Variants in SHANK2 observed in about 807,000 individuals in gnomAD.
SHANK2 encodes SH3 and multiple ankyrin repeat domains protein 2.
A neutral mutation model predicts 133.7 loss-of-function variants in SHANK2; 43 were observed. That is an observed-to-expected ratio of 0.32 (90% CI 0.25 to 0.41). SHANK2 has a LOEUF of 0.41. Ranked by LOEUF, SHANK2 falls within the 10% of genes least tolerant of loss-of-function variation. SHANK2 has a pLI of 1.00. For synonymous variants in SHANK2, 1,017 were observed against 952.8 expected, an observed-to-expected ratio of 1.07 and a Z score of -1.24; for missense variants, 1,994 against 2,235.8, an observed-to-expected ratio of 0.89 and a Z score of 2.18.
chr11:70,585,267 A>G (rs75507914), intron 17 of SHANK2, among the ~76,000 whole-genome samples: 4,810 of 152,352 alleles, frequency 0.032, 123 homozygotes, highest in East Asian at 0.096. Flanking sequence ...GGCACTGCCA[A>G]TGGGGCAGGG....
chr11:70,779,332 G>C (rs1947433750), intron 14 of SHANK2, among the ~76,000 whole-genome samples: 1 of 151,804 alleles, frequency 6.6e-6, no homozygotes, highest in African/African-American at 2.4e-5. Context: ...TAGCAGACAG[G>C]ACAATGCGTC....
chr11:71,084,006 G>C (rs1220939317), intron 8 of SHANK2, among the ~76,000 whole-genome samples: 1 of 148,216 alleles, frequency 6.7e-6, no homozygotes, highest in Non-Finnish European at 1.5e-5. Flanking sequence ...GTCTTGCTCT[G>C]TCTCCCAGGC....
chr11:71,088,600 G>C (rs910380653), intron 8 of SHANK2, among the ~76,000 whole-genome samples: 4 of 152,158 alleles, frequency 2.6e-5, no homozygotes, highest in Admixed American at 1.3e-4. Context: ...TGTGAGACTC[G>C]AGAAAGATGT....
intron 2 of SHANK2, among the ~76,000 whole-genome samples, chr11:71,179,780 A>T (rs1555113530): frequency 6.6e-6 from 1 of 152,206 alleles, no homozygotes; most frequent in Non-Finnish European, 1.5e-5. Flanking sequence ...ATTTCTATAT[A>T]ATTGCAATGA....
At chr11:71,126,220 A>AAAAAAAAC (rs1952183501) in intron 3 of SHANK2, among the ~76,000 whole-genome samples, 1 of 143,182 alleles carries the variant, frequency 7.0e-6, no homozygotes, top group African/African-American at 2.8e-5. Context: ...CCGTCTCAAA[A>AAAAAAAAC]AAAAAAAAAA....
At chr11:70,675,996 G>T in intron 15 of SHANK2, among the ~76,000 whole-genome samples, 1 of 152,184 alleles carries the variant, frequency 6.6e-6, no homozygotes, top group South Asian at 2.1e-4. Context: ...GGTGTGTGCT[G>T]GTCTGTGGTT....
intron 10 of SHANK2, among the ~76,000 whole-genome samples, chr11:70,914,626 T>C (rs1350132448): frequency 7.1e-6 from 1 of 140,064 alleles, no homozygotes; most frequent in Non-Finnish European, 1.5e-5. Flanking sequence ...AAGACCGGCC[T>C]GGGCAAGGTC....
rs782296374 is a variant in SHANK2 at position 70,502,899 on chromosome 11, G to A, written c.2094C>T (p.His698=). 6.2e-7 allele frequency: 1 copy of A among 1,614,174 alleles called. No homozygotes were observed. Among genetic ancestry groups the A allele is most frequent in the African/African-American group, 1.3e-5 (1 of 75,042 alleles). ...GCCGGATCATGTTCACCACCTGCCT[G>A]TGGCCGACTTTGACAACATTCTCAT... ...VNNENVVKVG[H]RQVVNMIRQG... The change falls in exon 18 of 26, where the codon CAC becomes CAT. Residue 698 remains histidine, a synonymous_variant. Coordinates refer to ENST00000601538, the MANE Select transcript of SHANK2 (RefSeq NM_012309.5).
At position 70,732,845 on chromosome 11, in the gene SHANK2, T is replaced by C. The variant is rs888372510; in HGVS notation, c.1778-34082A>G. On this transcript the variant is annotated intron_variant, in intron 14 of 25. Coordinates refer to ENST00000601538, the MANE Select transcript of SHANK2 (RefSeq NM_012309.5). The stretch of plus-strand genomic sequence containing the variant: ...ACATCCCCAGCAGCTGCCATTTCCC[T>C]GCAGGGGACAGGCCTGCCGGCTCTG... Among the ~76,000 whole-genome samples, 4 of 152,240 alleles carry C rather than the reference T, an allele frequency of 2.6e-5. No individual in the cohort carries two copies. In the East Asian group the frequency reaches 7.7e-4, roughly 29 times the overall value.
In SHANK2 at chr11:71,137,386, G is replaced by T. The variant is rs576021499; in HGVS notation, c.207+9734C>A. On this transcript the variant is annotated intron_variant, in intron 3 of 25. Transcript: ENST00000601538. Reference sequence around the variant, plus strand: ...CCTGGAGGTTCCTAGAGAAAGTTACGGTCATAGCATTGGTTTTGCACAACT... The same window carrying T: ...CCTGGAGGTTCCTAGAGAAAGTTACTGTCATAGCATTGGTTTTGCACAACT... 3.8e-3 allele frequency among the ~76,000 whole-genome samples: 569 copies of T among 151,464 alleles called. 7 individuals carry two copies. The highest frequency in any genetic ancestry group is 0.013 in the African/African-American group (538 of 41,166).
intron 1 of SHANK2, among the ~76,000 whole-genome samples, chr11:71,250,300 CAGGAAAACA>C (rs1357094905): frequency 4.6e-5 from 7 of 152,186 alleles, no homozygotes; most frequent in African/African-American, 9.7e-5. Context: ...TTCTTCCTTC[CAGGAAAACA>C]AGGAATTCCT....
At chr11:70,703,616 G>T (rs1555024289) in intron 14 of SHANK2, among the ~76,000 whole-genome samples, 1 of 152,092 alleles carries the variant, frequency 6.6e-6, no homozygotes. Context: ...TGAAAACGTG[G>T]GTCACAAATA....
chr11:70,599,115 T>C (rs2136308120), intron 17 of SHANK2, among the ~76,000 whole-genome samples: 1 of 152,114 alleles, frequency 6.6e-6, no homozygotes, highest in Non-Finnish European at 1.5e-5. Flanking sequence ...TGAGAATTAA[T>C]AAGAGAATTC....
At chr11:71,073,142 C>CTTTTTT (rs1951165821) in intron 9 of SHANK2, among the ~76,000 whole-genome samples, 4 of 41,090 alleles carry the variant, frequency 9.7e-5, no homozygotes, top group African/African-American at 1.8e-4. Context: ...TTTTCTTTTT[C>CTTTTTT]TTTTCTTTTT....
chr11:71,164,063 C>T (rs1953087246), intron 2 of SHANK2, among the ~76,000 whole-genome samples: 1 of 152,158 alleles, frequency 6.6e-6, no homozygotes, highest in Non-Finnish European at 1.5e-5. Context: ...ACAACCCTCC[C>T]AGATGCCAGT....
intron 17 of SHANK2, among the ~76,000 whole-genome samples, chr11:70,642,769 T>C (rs1215227095): frequency 2.0e-5 from 3 of 152,208 alleles, no homozygotes; most frequent in Non-Finnish European, 2.9e-5. Flanking sequence ...TCCATGCGAC[T>C]GAGAATAACG....
At chr11:71,149,214 G>A (rs1490241723) in intron 2 of SHANK2, among the ~76,000 whole-genome samples, 1 of 152,300 alleles carries the variant, frequency 6.6e-6, no homozygotes, top group Non-Finnish European at 1.5e-5. Flanking sequence ...AAAAGCAGGT[G>A]CGAGAACAGC....
intron 17 of SHANK2, among the ~76,000 whole-genome samples, chr11:70,587,930 G>C (rs1222238581): frequency 1.3e-5 from 2 of 152,144 alleles, no homozygotes; most frequent in Non-Finnish European, 2.9e-5. Flanking sequence ...TCATGTCTCT[G>C]TGTCACATTT....
chr11:70,948,162 C>T lies in SHANK2; in HGVS notation c.1108-51595G>A, dbSNP rs1472445908. 2 of 406,202 alleles carry T rather than the reference C, an allele frequency of 4.9e-6. 1 individual carries two copies. 25.2% of individuals were successfully genotyped at this position (406,202 alleles called of 1,614,324 possible). ...TTGCCCCAAATGTCACAGAAGCCGC[C>T]CTCGGCTCCCAGCGTGAAGGAAACT... On this transcript the variant is annotated intron_variant, in intron 10 of 25. Transcript: ENST00000601538.
Sources: allele counts gnomAD v4.1 joint callset (sites outside exome capture counted in the v4.1 genomes callset), GRCh38; gene constraint gnomAD v4.1.1; transcripts MANE v1.5; gene names NCBI Gene and HGNC (gene_info 2026-07-23, HGNC 2026-07-21).